Variants in CSMD1 observed in about 807,000 individuals in gnomAD.
The protein encoded by CSMD1 is CUB and sushi domain-containing protein 1.
A neutral mutation model predicts 417.5 loss-of-function variants in CSMD1; 213 were observed. The observed-to-expected ratio is 0.51, with a 90% CI of 0.46 to 0.57. CSMD1 has a LOEUF of 0.57. Among genes scored for constraint, CSMD1 ranks in the 20% least tolerant of loss-of-function variants. The pLI is 0.00. For missense variants in CSMD1, 6,923 were observed against 4,529.7 expected, an observed-to-expected ratio of 1.53 and a Z score of -15.17; for synonymous variants, 2,862 against 1,736.8, an observed-to-expected ratio of 1.65 and a Z score of -16.11.
chr8:4,240,325 G>T (rs1276496053), intron 3 of CSMD1, among the ~76,000 whole-genome samples: 1 of 152,164 alleles, frequency 6.6e-6, no homozygotes, highest in Non-Finnish European at 1.5e-5. Context: ...AACTTCTGGT[G>T]TTGCTGCATC....
chr8:3,204,972 A>AT (rs1797171084), intron 31 of CSMD1, among the ~76,000 whole-genome samples: 1 of 152,176 alleles, frequency 6.6e-6, no homozygotes, highest in African/African-American at 2.4e-5. Flanking sequence ...AATTAGCTGG[A>AT]ATTGGAAGCA....
chr8:4,812,794 C>T lies in CSMD1; in HGVS notation c.86-175236G>A, dbSNP rs190038303. Reference sequence around the variant, plus strand: ...GTTCTCATGCATTTTTGTAGATGCTCTTATGGAGGAAAACACATTTCTAAT... The same window carrying T: ...GTTCTCATGCATTTTTGTAGATGCTTTTATGGAGGAAAACACATTTCTAAT... On this transcript the variant is annotated intron_variant, in intron 1 of 69. Transcript: ENST00000635120. 3.3e-3 allele frequency among the ~76,000 whole-genome samples: 508 copies of T among 152,228 alleles called. 3 individuals carry two copies. The highest frequency in any genetic ancestry group is 5.8e-3 in the African/African-American group (241 of 41,526).
intron 3 of CSMD1, among the ~76,000 whole-genome samples, chr8:4,078,932 T>TATATATATAA (rs1799979296): frequency 4.5e-5 from 1 of 22,380 alleles, no homozygotes; most frequent in African/African-American, 8.9e-5. Flanking sequence ...TATATATATA[T>TATATATATAA]ATATATATAT....
intron 3 of CSMD1, among the ~76,000 whole-genome samples, chr8:4,207,380 ACACT>A (rs1334560588): frequency 6.6e-6 from 1 of 152,182 alleles, no homozygotes; most frequent in African/African-American, 2.4e-5. Context: ...ATAAATTCAC[ACACT>A]CATGGAAGAT....
intron 3 of CSMD1, among the ~76,000 whole-genome samples, chr8:4,200,767 T>C (rs2131253170): frequency 6.6e-6 from 1 of 152,210 alleles, no homozygotes; most frequent in African/African-American, 2.4e-5. Context: ...GCGACTGAGA[T>C]GGGAGGATTT....
intron 8 of CSMD1, among the ~76,000 whole-genome samples, chr8:3,598,744 T>TC (rs763840616): frequency 7.9e-5 from 12 of 151,924 alleles, no homozygotes; most frequent in Non-Finnish European, 1.0e-4. Context: ...ATTTGTAATT[T>TC]CCCCCCGCCC....
At chr8:4,071,628 A>T (rs1799563427) in intron 3 of CSMD1, among the ~76,000 whole-genome samples, 1 of 151,952 alleles carries the variant, frequency 6.6e-6, no homozygotes, top group Non-Finnish European at 1.5e-5. Flanking sequence ...TTAATTCTTT[A>T]TTTTAAACTA....
At chr8:3,248,523 C>CTTTTTTTTTTTT (rs10663439) in intron 26 of CSMD1, among the ~76,000 whole-genome samples, 22 of 85,980 alleles carry the variant, frequency 2.6e-4, no homozygotes, top group African/African-American at 4.2e-4. Flanking sequence ...AATTCCCTCC[C>CTTTTTTTTTTTT]TTTTTTTTTT....
At chr8:4,009,707 A>G (rs893913921) in intron 4 of CSMD1, among the ~76,000 whole-genome samples, 1 of 152,130 alleles carries the variant, frequency 6.6e-6, no homozygotes, top group African/African-American at 2.4e-5. Flanking sequence ...GGCCACAAAG[A>G]GTTGGTGGTC....
rs1036207046 is a variant in CSMD1 at position 3,510,108 on chromosome 8, T to C, written c.1345-16382A>G. Among the ~76,000 whole-genome samples, 59 of 149,534 alleles carry C rather than the reference T, an allele frequency of 3.9e-4. 3 individuals carry two copies. The highest frequency in any genetic ancestry group is 1.5e-3 in the African/African-American group (58 of 38,920). ...TAGGAGAAAGTAAATGATTCCAGCC[T>C]GAACATAAGGACATGAATTGACAGA... On this transcript the variant is annotated intron_variant, in intron 10 of 69. Transcript: ENST00000635120.
chr8:4,545,714 C>G (rs559623013), intron 2 of CSMD1, among the ~76,000 whole-genome samples: 1 of 152,208 alleles, frequency 6.6e-6, no homozygotes, highest in Non-Finnish European at 1.5e-5. Flanking sequence ...CTGATGCCAA[C>G]GGATAGCAAA....
intron 3 of CSMD1, among the ~76,000 whole-genome samples, chr8:4,057,711 C>T (rs7461569): frequency 0.9 from 136,322 of 151,570 alleles, 61,440 homozygotes; most frequent in Middle Eastern, 0.95. Flanking sequence ...GATTTCTGTA[C>T]AAGGTGTAAG....
In CSMD1 at chr8:4,882,449, G is replaced by A. The variant is rs181398129; in HGVS notation, c.85+111883C>T. On this transcript the variant is annotated intron_variant, in intron 1 of 69. Coordinates refer to ENST00000635120, the MANE Select transcript of CSMD1 (RefSeq NM_033225.6). ...TCAAATTCCGGAGGGAATTTGAAGA[G>A]TATTGGGGGGCGAGTTTGGCGTTTT... 3.3e-3 allele frequency among the ~76,000 whole-genome samples: 498 copies of A among 151,298 alleles called. 9 individuals are homozygous for A. Among genetic ancestry groups the A allele is most frequent in the South Asian group, 0.019 (90 of 4,820 alleles).
At position 3,295,720 on chromosome 8, in the gene CSMD1, T is replaced by C. The variant is rs931400732; in HGVS notation, c.3951-11374A>G. Among the ~76,000 whole-genome samples, 5 of 152,166 alleles carry C rather than the reference T, an allele frequency of 3.3e-5. No individual in the cohort carries two copies. The East Asian group carries it at 5.8e-4, about 18-fold the overall frequency. On this transcript the variant is annotated intron_variant, in intron 25 of 69. Coordinates refer to ENST00000635120, the MANE Select transcript of CSMD1 (RefSeq NM_033225.6). ...TATTGCCCTTGTTTTATTATATCTT[T>C]AGGAATACCTGATTACCGTCAGACT...
chr8:4,446,717 TTG>T (rs147599017), intron 2 of CSMD1, among the ~76,000 whole-genome samples: 173 of 144,520 alleles, frequency 1.2e-3, no homozygotes, highest in Non-Finnish European at 9.5e-4. Context: ...CATGCCTGAG[TTG>T]TGTGTGTGTG....
Position 3,338,271 on chromosome 8 carries a change from G to C in CSMD1, c.3631+5023C>G, listed in dbSNP as rs537514663. Among the ~76,000 whole-genome samples the C allele has an allele frequency of 2.6e-5, 4 of 152,170 alleles. No homozygotes were observed. In the East Asian group the frequency reaches 5.8e-4, roughly 22 times the overall value. Reference sequence around the variant, plus strand: ...ATCCACGCCTCTATGCCCAGGGAGTGGCTTAGTCATGCGTGGGTGCTGGGC... The same window carrying C: ...ATCCACGCCTCTATGCCCAGGGAGTCGCTTAGTCATGCGTGGGTGCTGGGC... On this transcript the variant is annotated intron_variant, in intron 23 of 69. Coordinates refer to ENST00000635120, the MANE Select transcript of CSMD1 (RefSeq NM_033225.6).
At chr8:3,047,487 C>G (rs140226010) in intron 50 of CSMD1, among the ~76,000 whole-genome samples, 3 of 152,150 alleles carry the variant, frequency 2.0e-5, no homozygotes, top group Non-Finnish European at 4.4e-5. Context: ...AGCACACGCT[C>G]CAGGACGCTC....
intron 3 of CSMD1, among the ~76,000 whole-genome samples, chr8:4,080,254 A>C (rs1233217108): frequency 1.3e-5 from 2 of 152,204 alleles, no homozygotes; most frequent in Non-Finnish European, 2.9e-5. Flanking sequence ...GCCTGCTTTT[A>C]AACAATGACT....
intron 3 of CSMD1, among the ~76,000 whole-genome samples, chr8:4,295,615 TTA>T (rs933713572): frequency 2.1e-5 from 3 of 144,862 alleles, no homozygotes; most frequent in African/African-American, 5.0e-5. Context: ...AATCCTAAGA[TTA>T]TATATATATA....
Sources: allele counts gnomAD v4.1 joint callset (sites outside exome capture counted in the v4.1 genomes callset), GRCh38; gene constraint gnomAD v4.1.1; transcripts MANE v1.5; gene names NCBI Gene and HGNC (gene_info 2026-07-23, HGNC 2026-07-21).